ARL13B: variants seen among roughly 807,000 people sequenced by gnomAD.
The protein encoded by ARL13B is ARF like GTPase 13B.
A neutral mutation model predicts 56.1 loss-of-function variants in ARL13B; 36 were observed. The ratio of observed to expected loss-of-function variants is 0.64; its 90% CI spans 0.49 to 0.85. The LOEUF is 0.85. ARL13B is among the 40% of genes least tolerant of loss of function. The probability of loss-of-function intolerance (pLI) is 0.00; values close to 1 mark genes in which losing one functional copy is unlikely to be tolerated. For synonymous variants in ARL13B, 178 were observed against 171.1 expected, an observed-to-expected ratio of 1.04 and a Z score of -0.32; for missense variants, 519 against 507.1, an observed-to-expected ratio of 1.02 and a Z score of -0.23.
intron 3 of ARL13B, chr3:94,015,259 C>A: frequency 1.3e-6 from 2 of 1,537,144 alleles, no homozygotes; most frequent in South Asian, 1.3e-5. Flanking sequence ...TTCTTGAAGT[C>A]GGTCTTTCAT....
intron 3 of ARL13B, among the ~76,000 whole-genome samples, chr3:94,012,195 A>G (rs919562860): frequency 6.6e-6 from 1 of 152,074 alleles, no homozygotes; most frequent in Admixed American, 6.6e-5. Flanking sequence ...ACCACCTTAC[A>G]TAGCATTTAT....
At chr3:94,014,495 CTT>C (rs776131303) in intron 3 of ARL13B, 1 of 1,611,328 alleles carries the variant, frequency 6.2e-7, no homozygotes, top group South Asian at 1.1e-5. Flanking sequence ...TTAACATACT[CTT>C]TTGTACTATT....
intron 3 of ARL13B, among the ~76,000 whole-genome samples, chr3:94,012,837 A>C (rs2076248426): frequency 6.6e-6 from 1 of 152,026 alleles, no homozygotes; most frequent in Non-Finnish European, 1.5e-5. Flanking sequence ...CTTGTCTTCT[A>C]CTCACCTCTC....
intron 7 of ARL13B, among the ~76,000 whole-genome samples, chr3:94,048,865 G>A (rs990156198): frequency 1.5e-4 from 23 of 151,998 alleles, no homozygotes; most frequent in African/African-American, 5.1e-4. Context: ...CCAGAGTGCT[G>A]AGATTACAGG....
At chr3:93,982,664 C>T (rs553919951) in intron 1 of ARL13B, among the ~76,000 whole-genome samples, 1 of 152,206 alleles carries the variant, frequency 6.6e-6, no homozygotes, top group East Asian at 1.9e-4. Flanking sequence ...TGGATCATAG[C>T]CTAATATAAA....
chr3:93,988,313 A>G (rs977347717), intron 1 of ARL13B, among the ~76,000 whole-genome samples: 2 of 152,096 alleles, frequency 1.3e-5, no homozygotes, highest in African/African-American at 2.4e-5. Context: ...CTGACTCTGT[A>G]TTGCCATTTA....
At chr3:94,034,768 G>A (rs1310611224) in intron 3 of ARL13B, among the ~76,000 whole-genome samples, 1 of 151,900 alleles carries the variant, frequency 6.6e-6, no homozygotes, top group African/African-American at 2.4e-5. Flanking sequence ...CTGTTTTGTT[G>A]GCATATTGAT....
At chr3:94,039,612 G>A (rs1431259396) in intron 5 of ARL13B, among the ~76,000 whole-genome samples, 1 of 152,050 alleles carries the variant, frequency 6.6e-6, no homozygotes, top group Non-Finnish European at 1.5e-5. Context: ...TTGGCACATG[G>A]AAGAATAATT....
chr3:93,993,093 C>T (rs1281560862), intron 1 of ARL13B, among the ~76,000 whole-genome samples: 1 of 151,628 alleles, frequency 6.6e-6, no homozygotes, highest in Non-Finnish European at 1.5e-5. Flanking sequence ...GAATGAACCA[C>T]CAGGCCTGAC....
At chr3:93,983,575 A>T (rs1456439518) in intron 1 of ARL13B, among the ~76,000 whole-genome samples, 1 of 152,194 alleles carries the variant, frequency 6.6e-6, no homozygotes, top group Non-Finnish European at 1.5e-5. Context: ...TTTTTCACTG[A>T]GAAAATCAAG....
chr3:94,026,020 T>C (rs2076548796), intron 3 of ARL13B, among the ~76,000 whole-genome samples: 1 of 149,860 alleles, frequency 6.7e-6, no homozygotes, highest in South Asian at 2.1e-4. Context: ...TGAAAACTTC[T>C]CTTTTTTTTT....
intron 3 of ARL13B, among the ~76,000 whole-genome samples, chr3:94,010,199 A>C (rs1477386122): frequency 6.6e-6 from 1 of 152,150 alleles, no homozygotes; most frequent in Non-Finnish European, 1.5e-5. Context: ...TTATGTCTGC[A>C]CTTGTAAATA....
intron 3 of ARL13B, among the ~76,000 whole-genome samples, chr3:94,018,145 G>A (rs914728242): frequency 1.3e-5 from 2 of 151,810 alleles, no homozygotes; most frequent in African/African-American, 2.4e-5. Context: ...CCATCTGTTC[G>A]CCTTGTCCTC....
rs886058931 is a variant in ARL13B at position 93,980,384 on chromosome 3, T to G, written c.-40T>G. On this transcript the variant is annotated 5_prime_UTR_variant, in exon 1 of 10. Transcript: ENST00000394222. Reference sequence around the variant, plus strand: ...GGAAGAGCGGGGTGCCGGTGTCCGCTCCGGGCTCGGATGGGAAGTGGTGGG... The same window carrying G: ...GGAAGAGCGGGGTGCCGGTGTCCGCGCCGGGCTCGGATGGGAAGTGGTGGG... 2.5e-6 allele frequency: 4 copies of G among 1,609,114 alleles called. No homozygotes were observed. The highest frequency in any genetic ancestry group is 3.4e-6 in the Non-Finnish European group (4 of 1,179,776).
At position 94,043,254 on chromosome 3, in the gene ARL13B, T is replaced by C; in HGVS notation, c.1024+14T>C. 6.3e-7 allele frequency: 1 copy of C among 1,596,836 alleles called. No homozygotes were observed. Among genetic ancestry groups the C allele is most frequent in the Non-Finnish European group, 8.6e-7 (1 of 1,166,048 alleles). On this transcript the variant is annotated intron_variant, in intron 7 of 9. Transcript: ENST00000394222. ...CATTGGAATCAGGTAATAAATCTAG[T>C]TATTTAAAGTAATTATCTTATGTAT... is the stretch of plus-strand genomic sequence containing the variant.
intron 3 of ARL13B, among the ~76,000 whole-genome samples, chr3:94,009,358 A>G (rs1186301466): frequency 2.6e-5 from 4 of 151,546 alleles, no homozygotes; most frequent in Non-Finnish European, 5.9e-5. Flanking sequence ...TTATATGCTT[A>G]TTTGACTCAC....
chr3:94,055,008 T>G lies in ARL13B; in HGVS notation c.*1745T>G. 1 of 320,244 alleles carries G rather than the reference T, an allele frequency of 3.1e-6. No individual in the cohort carries two copies. The highest frequency in any genetic ancestry group is 6.1e-6 in the Non-Finnish European group (1 of 164,544). 19.8% of individuals were successfully genotyped at this position (320,244 alleles called of 1,614,324 possible). On this transcript the variant is annotated 3_prime_UTR_variant, in exon 10 of 10. Coordinates refer to ENST00000394222, the MANE Select transcript of ARL13B (RefSeq NM_001174150.2). ...TTGGGAGTATACGTGTTTTTAAAATTTGTGTTTTCTATCTGTTTACTATAG... is the reference window on the plus strand; with the variant it reads ...TTGGGAGTATACGTGTTTTTAAAATGTGTGTTTTCTATCTGTTTACTATAG...
At chr3:94,040,393 C>A (rs1401684173) in intron 6 of ARL13B, among the ~76,000 whole-genome samples, 1 of 152,122 alleles carries the variant, frequency 6.6e-6, no homozygotes, top group African/African-American at 2.4e-5. Context: ...GGTACATAAA[C>A]AATTTTCTAT....
At chr3:94,032,868 T>C (rs1437463844) in intron 3 of ARL13B, among the ~76,000 whole-genome samples, 1 of 152,128 alleles carries the variant, frequency 6.6e-6, no homozygotes, top group African/African-American at 2.4e-5. Flanking sequence ...TGGGTACCTA[T>C]CCAAAGGAAA....
Sources: allele counts gnomAD v4.1 joint callset (sites outside exome capture counted in the v4.1 genomes callset), GRCh38; gene constraint gnomAD v4.1.1; transcripts MANE v1.5; gene names NCBI Gene and HGNC (gene_info 2026-07-23, HGNC 2026-07-21).